The following SHC4 variants were observed in gnomAD, a reference collection of about 807,000 sequenced individuals.
The protein encoded by SHC4 is SHC-transforming protein 4.
In SHC4, 41 loss-of-function variants were observed where a neutral mutation model predicts 69.4. The ratio of observed to expected loss-of-function variants is 0.59; its 90% CI spans 0.46 to 0.77. The LOEUF (loss-of-function observed/expected upper bound fraction) is 0.77, where lower values mean the gene tolerates loss of function less well. Ranked by LOEUF, SHC4 falls within the 30% of genes least tolerant of loss-of-function variation. The pLI, the probability that SHC4 is intolerant of heterozygous loss-of-function variation, is 0.00. For synonymous variants in SHC4, 318 were observed against 299.3 expected (o/e 1.06, Z -0.64); for missense variants, 777 against 783.8 (o/e 0.99, Z 0.10).
At chr15:48,886,064 G>A (rs1362988769) in intron 3 of SHC4, among the ~76,000 whole-genome samples, 2 of 152,168 alleles carry the variant, frequency 1.3e-5, no homozygotes, top group East Asian at 3.9e-4. Context: ...CGAGACCAGC[G>A]TGACCAACAT....
intron 1 of SHC4, among the ~76,000 whole-genome samples, chr15:48,936,790 G>C (rs557581440): frequency 6.6e-6 from 1 of 152,292 alleles, no homozygotes; most frequent in East Asian, 1.9e-4. Context: ...AAAAGTACTG[G>C]TCATCTGTGG....
At chr15:48,953,348 C>T (rs1901395434) in intron 1 of SHC4, among the ~76,000 whole-genome samples, 1 of 152,058 alleles carries the variant, frequency 6.6e-6, no homozygotes, top group Non-Finnish European at 1.5e-5. Flanking sequence ...ATGAAATAAT[C>T]TGTACAACAA....
chr15:48,962,337 AC>A, intron 1 of SHC4, 93 bp downstream of exon 1: 1 of 1,316,288 alleles, frequency 7.6e-7, no homozygotes, highest in Non-Finnish European at 1.0e-6. Context: ...CAAACACAGA[AC>A]CCAGGCAGGT....
At chr15:48,854,459 A>C (rs1413111827) in intron 8 of SHC4, among the ~76,000 whole-genome samples, 1 of 152,204 alleles carries the variant, frequency 6.6e-6, no homozygotes, top group African/African-American at 2.4e-5. Flanking sequence ...AGCAATCCCA[A>C]CTACTGGGTA....
intron 1 of SHC4, among the ~76,000 whole-genome samples, chr15:48,943,780 T>G (rs1424008396): frequency 1.3e-5 from 2 of 152,162 alleles, no homozygotes; most frequent in Admixed American, 6.5e-5. Flanking sequence ...TTTTTGATAA[T>G]AGCCCTCTTA....
chr15:48,827,053 A>C (rs190392761), intron 11 of SHC4, among the ~76,000 whole-genome samples: 2 of 152,240 alleles, frequency 1.3e-5, no homozygotes. Flanking sequence ...ATTACTATCC[A>C]TTGTGGCTCT....
At position 48,963,051 on chromosome 15, in the gene SHC4, A is replaced by G. The variant is rs762245194; in HGVS notation, c.-36T>C. On this transcript the variant is annotated 5_prime_UTR_variant, in exon 1 of 12. Transcript: ENST00000332408. ...GTGCTGAAACAGGATACTGTTGCAT[A>G]AATCGCCTCGTCGTCTGGTAGATAA... The G allele has an allele frequency of 6.4e-7, 1 of 1,554,794 alleles. No homozygotes were observed. Among genetic ancestry groups the G allele is most frequent in the Admixed American group, 1.9e-5 (1 of 53,216 alleles).
chr15:48,914,865 C>A (rs1252354982), intron 2 of SHC4, among the ~76,000 whole-genome samples: 4 of 152,186 alleles, frequency 2.6e-5, no homozygotes, highest in African/African-American at 9.7e-5. Context: ...CAGAACAGAA[C>A]TTTTTCTATC....
chr15:48,898,533 T>C (rs1900263241), intron 2 of SHC4, among the ~76,000 whole-genome samples: 1 of 152,252 alleles, frequency 6.6e-6, no homozygotes, highest in Non-Finnish European at 1.5e-5. Context: ...AAAGTCTGTT[T>C]CTAAAGTACA....
At chr15:48,932,939 A>G (rs543425574) in intron 1 of SHC4, among the ~76,000 whole-genome samples, 2 of 152,178 alleles carry the variant, frequency 1.3e-5, no homozygotes, top group Non-Finnish European at 2.9e-5. Context: ...TTAAGAAAGA[A>G]TGGGATATGC....
chr15:48,942,413 C>G (rs1901192074), intron 1 of SHC4, among the ~76,000 whole-genome samples: 1 of 151,662 alleles, frequency 6.6e-6, no homozygotes, highest in Non-Finnish European at 1.5e-5. Context: ...CTTAAATAAC[C>G]AACACCTTCA....
chr15:48,910,688 A>T (rs554361067), intron 2 of SHC4, among the ~76,000 whole-genome samples: 1 of 151,910 alleles, frequency 6.6e-6, no homozygotes, highest in South Asian at 2.1e-4. Flanking sequence ...AGTCTTTTTG[A>T]TGTAGACATT....
chr15:48,853,453 C>T (rs1474152448), intron 8 of SHC4, among the ~76,000 whole-genome samples: 1 of 152,174 alleles, frequency 6.6e-6, no homozygotes, highest in Non-Finnish European at 1.5e-5. Flanking sequence ...ACACCAACAT[C>T]ATTTTCCCCA....
At chr15:48,867,755 T>G in intron 6 of SHC4, 63 bp downstream of exon 6, 4 of 1,329,818 alleles carry the variant, frequency 3.0e-6, no homozygotes, top group Non-Finnish European at 4.3e-6. Context: ...AAATAACTGT[T>G]GGTTACTTTT....
chr15:48,937,113 A>G (rs1332383076), intron 1 of SHC4, among the ~76,000 whole-genome samples: 5 of 152,238 alleles, frequency 3.3e-5, no homozygotes, highest in African/African-American at 1.2e-4. Flanking sequence ...TATGTGATTC[A>G]TCATGTGCCT....
intron 1 of SHC4, among the ~76,000 whole-genome samples, chr15:48,952,157 G>C (rs1193693931): frequency 6.6e-6 from 1 of 152,060 alleles, no homozygotes; most frequent in African/African-American, 2.4e-5. Flanking sequence ...ATTGGCATTA[G>C]GTTAAAAAAG....
chr15:48,864,436 CTTTTTTTTT>C (rs35549079), intron 6 of SHC4, among the ~76,000 whole-genome samples: 5 of 55,008 alleles, frequency 9.1e-5, no homozygotes, highest in Non-Finnish European at 1.6e-4. Context: ...ATACCACTTT[CTTTTTTTTT>C]TTTTTTTTTT....
intron 1 of SHC4, among the ~76,000 whole-genome samples, chr15:48,959,279 G>A (rs187663288): frequency 6.6e-6 from 1 of 152,166 alleles, no homozygotes; most frequent in African/African-American, 2.4e-5. Flanking sequence ...AGCACTTAAT[G>A]CCATCTGAAA....
chr15:48,829,480 G>C (rs1898754696), intron 11 of SHC4, among the ~76,000 whole-genome samples: 1 of 151,972 alleles, frequency 6.6e-6, no homozygotes, highest in Non-Finnish European at 1.5e-5. Context: ...ATTATATCAT[G>C]TCCTTCTTTG....
Sources: gnomAD v4.1 joint callset for allele counts (sites outside exome capture counted in the v4.1 genomes callset) on GRCh38, gnomAD v4.1.1 for gene constraint, MANE v1.5 for transcripts, NCBI Gene and HGNC (gene_info 2026-07-23, HGNC 2026-07-21) for gene names.